The following TENM3 variants were observed in gnomAD, a reference collection of about 807,000 sequenced individuals.
TENM3 encodes the protein teneurin-3.
TENM3 carries 63 observed loss-of-function variants against 255.1 expected under a neutral mutation model. That is an observed-to-expected ratio of 0.25 (90% CI 0.20 to 0.30). The LOEUF is 0.30. Among genes scored for constraint, TENM3 ranks in the 10% least tolerant of loss-of-function variants. The pLI, the probability that TENM3 is intolerant of heterozygous loss-of-function variation, is 1.00. For synonymous variants in TENM3, 1,306 were observed against 1,322.3 expected, an observed-to-expected ratio of 0.99 and a Z score of 0.27; for missense variants, 2,929 against 3,461.1, an observed-to-expected ratio of 0.85 and a Z score of 3.86.
At chr4:181,791,852 C>G in the TENM3 span, among the ~76,000 whole-genome samples, 3 of 152,160 alleles carry the variant, frequency 2.0e-5, no homozygotes, top group Non-Finnish European at 4.4e-5. Flanking sequence ...CATAAGTAGG[C>G]AACGGACACT....
chr4:182,591,592 C>T (rs1334530718), intron 3 of TENM3, among the ~76,000 whole-genome samples: 1 of 152,182 alleles, frequency 6.6e-6, no homozygotes, highest in Non-Finnish European at 1.5e-5. Flanking sequence ...AGGCAACTAT[C>T]TGACAGATAT....
At chr4:182,515,377 A>C (rs62337228) in intron 3 of TENM3, among the ~76,000 whole-genome samples, 11,518 of 152,176 alleles carry the variant, frequency 0.076, 491 homozygotes, top group East Asian at 0.11. Context: ...AATAGATGAG[A>C]GTGATGAACA....
chr4:182,478,084 G>C (rs1733847509), intron 3 of TENM3, among the ~76,000 whole-genome samples: 1 of 151,926 alleles, frequency 6.6e-6, no homozygotes, highest in South Asian at 2.1e-4. Context: ...TAGCTTACTT[G>C]TTTCTGTGGA....
At chr4:181,787,964 C>T in the TENM3 span, among the ~76,000 whole-genome samples, 912 of 152,226 alleles carry the variant, frequency 6.0e-3, 11 homozygotes, top group African/African-American at 0.021. Context: ...CACTATACTC[C>T]ACAGAGTGAG....
chr4:181,611,721 A>G, the TENM3 span, among the ~76,000 whole-genome samples: 1 of 152,246 alleles, frequency 6.6e-6, no homozygotes, highest in Admixed American at 6.5e-5. Context: ...AAATGCAAAT[A>G]AAATGCTGCA....
At chr4:181,766,266 A>G in the TENM3 span, among the ~76,000 whole-genome samples, 3 of 152,218 alleles carry the variant, frequency 2.0e-5, no homozygotes, top group African/African-American at 7.2e-5. Flanking sequence ...CATAAAGGAC[A>G]GCAAATAAAA....
At chr4:181,912,119 T>C in the TENM3 span, among the ~76,000 whole-genome samples, 1 of 152,222 alleles carries the variant, frequency 6.6e-6, no homozygotes, top group East Asian at 1.9e-4. Context: ...CTATTTAAGC[T>C]ATTGTGATTT....
chr4:181,506,318 G>A, the TENM3 span, among the ~76,000 whole-genome samples: 1 of 151,804 alleles, frequency 6.6e-6, no homozygotes, highest in Non-Finnish European at 1.5e-5. Context: ...AATCCACTTT[G>A]AATATTTGGC....
chr4:181,596,352 C>T, the TENM3 span, among the ~76,000 whole-genome samples: 7 of 152,072 alleles, frequency 4.6e-5, no homozygotes, highest in Admixed American at 2.6e-4. Flanking sequence ...TAAACTGATT[C>T]CAAATACAGG....
At chr4:182,322,231 A>G (rs1763099563) in intron 1 of TENM3, among the ~76,000 whole-genome samples, 1 of 152,226 alleles carries the variant, frequency 6.6e-6, no homozygotes, top group Non-Finnish European at 1.5e-5. Flanking sequence ...GGAAAAGAAG[A>G]CAAAGGTAGA....
the TENM3 span, among the ~76,000 whole-genome samples, chr4:181,796,146 G>C: frequency 2.6e-5 from 4 of 152,186 alleles, no homozygotes; most frequent in Admixed American, 1.3e-4. Context: ...GAATCAAGGA[G>C]GAGGAGCGTA....
At chr4:182,179,458 G>A (rs72696030) in intron 1 of TENM3, among the ~76,000 whole-genome samples, 1,618 of 152,272 alleles carry the variant, frequency 0.011, 14 homozygotes, top group Non-Finnish European at 0.017. Context: ...GGCATTTCTC[G>A]ATTCAACTGC....
chr4:182,609,574 A>G (rs961160879), intron 4 of TENM3, among the ~76,000 whole-genome samples: 2 of 152,172 alleles, frequency 1.3e-5, no homozygotes, highest in Non-Finnish European at 2.9e-5. Flanking sequence ...CTTTCGTAGC[A>G]TCTCACTTCA....
chr4:181,545,817 C>A, the TENM3 span, among the ~76,000 whole-genome samples: 1 of 152,042 alleles, frequency 6.6e-6, no homozygotes, highest in African/African-American at 2.4e-5. Flanking sequence ...CATTTCTACT[C>A]GTATTTTCTT....
chr4:181,827,557 AC>A, the TENM3 span, among the ~76,000 whole-genome samples: 1 of 152,160 alleles, frequency 6.6e-6, no homozygotes, highest in Admixed American at 6.5e-5. Context: ...GCCCTCCTCT[AC>A]AAAGAATAAT....
chr4:182,241,750 A>T (rs1428012542), upstream of TENM3, among the ~76,000 whole-genome samples: 1 of 151,034 alleles, frequency 6.6e-6, no homozygotes, highest in Non-Finnish European at 1.5e-5. Flanking sequence ...CTCGTGATCC[A>T]CCTGCCTCGG....
the TENM3 span, among the ~76,000 whole-genome samples, chr4:181,927,759 C>A: frequency 0.12 from 18,808 of 152,218 alleles, 1,229 homozygotes; most frequent in East Asian, 0.2. Context: ...TCGACAGACA[C>A]CTCATACAGG....
At chr4:181,505,174 A>G in the TENM3 span, among the ~76,000 whole-genome samples, 1 of 152,178 alleles carries the variant, frequency 6.6e-6, no homozygotes, top group African/African-American at 2.4e-5. Context: ...CACTCACACC[A>G]CTTTTCAGCA....
At chr4:182,161,281 T>TG in intron 1 of TENM3, among the ~76,000 whole-genome samples, 1 of 138,420 alleles carries the variant, frequency 7.2e-6, no homozygotes, top group East Asian at 2.6e-4. Flanking sequence ...CCGGGCGTGG[T>TG]GGCGGGCGCC....
Sources: gnomAD v4.1 joint callset for allele counts (sites outside exome capture counted in the v4.1 genomes callset) on GRCh38, gnomAD v4.1.1 for gene constraint, MANE v1.5 for transcripts, NCBI Gene and HGNC (gene_info 2026-07-23, HGNC 2026-07-21) for gene names.